Variants in ADK observed in about 807,000 individuals in gnomAD.
The protein encoded by ADK is adenosine kinase.
Under a neutral mutation model 44.7 loss-of-function variants are expected in ADK, and 24 were observed. The observed-to-expected ratio is 0.54, with a 90% CI of 0.39 to 0.76. ADK has a LOEUF of 0.76. ADK is among the 30% of genes least tolerant of loss of function. The probability of loss-of-function intolerance (pLI) is 0.00; values close to 1 mark genes in which losing one functional copy is unlikely to be tolerated. For missense variants in ADK, 321 were observed against 425.1 expected, an observed-to-expected ratio of 0.76 and a Z score of 2.15; for synonymous variants, 128 against 142.6, an observed-to-expected ratio of 0.90 and a Z score of 0.73.
intron 4 of ADK, among the ~76,000 whole-genome samples, chr10:74,322,383 G>C (rs1840844660): frequency 6.6e-6 from 1 of 152,150 alleles, no homozygotes; most frequent in Non-Finnish European, 1.5e-5. Flanking sequence ...GAAGAAAGTA[G>C]TAAGTATTAA....
chr10:74,336,476 A>G lies in ADK; in HGVS notation c.273+21731A>G, dbSNP rs141424682. Among the ~76,000 whole-genome samples the G allele has an allele frequency of 9.9e-4, 151 of 152,084 alleles. 2 individuals are homozygous for G. The East Asian group carries it at 0.028, about 28-fold the overall frequency. The stretch of plus-strand genomic sequence containing the variant: ...TAATCATGGAAGTTGAATTTATTGC[A>G]TTTTACAGGTCAATATTTTTTGTAG... On this transcript the variant is annotated intron_variant, in intron 4 of 10. Coordinates refer to ENST00000539909, the MANE Select transcript of ADK (RefSeq NM_006721.4).
chr10:74,184,595 G>C (rs988932901), intron 1 of ADK, among the ~76,000 whole-genome samples: 4 of 151,166 alleles, frequency 2.6e-5, no homozygotes, highest in Non-Finnish European at 4.4e-5. Context: ...GGCTGGTCTT[G>C]AACCTCCTGG....
rs957878456 is a variant in ADK, at chr10:74,176,745, G to C, written c.66-24019G>C. On this transcript the variant is annotated intron_variant, in intron 1 of 10. Coordinates refer to ENST00000539909, the MANE Select transcript of ADK (RefSeq NM_006721.4). ...GCCAGGGGCCGCCCGCGCGCGGGGT[G>C]TGTGAGGACGCGCTCCCAGTCGCTG... 22 of 1,535,326 alleles carry C rather than the reference G, an allele frequency of 1.4e-5. No individual in the cohort carries two copies. The African/African-American group carries it at 2.8e-4, about 20-fold the overall frequency.
intron 2 of ADK, 33 bp from the exon 3 acceptor site, chr10:74,224,505 A>G (rs760137160): frequency 2.5e-6 from 4 of 1,582,244 alleles, no homozygotes; most frequent in African/African-American, 2.7e-5. Context: ...CTGTGTGTGT[A>G]TGAAGAGTGT....
intron 3 of ADK, among the ~76,000 whole-genome samples, chr10:74,282,533 T>C (rs1172202446): frequency 6.6e-6 from 1 of 152,024 alleles, no homozygotes; most frequent in Non-Finnish European, 1.5e-5. Flanking sequence ...CTTTTAAGAG[T>C]GGTAAGATTT....
At chr10:74,336,805 A>G (rs1046228632) in intron 4 of ADK, among the ~76,000 whole-genome samples, 5 of 152,188 alleles carry the variant, frequency 3.3e-5, no homozygotes, top group Non-Finnish European at 7.4e-5. Flanking sequence ...CAGATTGCTT[A>G]TAATACCTAA....
At chr10:74,510,820 G>A (rs1042661157) in intron 6 of ADK, among the ~76,000 whole-genome samples, 12 of 152,086 alleles carry the variant, frequency 7.9e-5, no homozygotes, top group South Asian at 2.1e-4. Flanking sequence ...CAGTTCTCCC[G>A]CCTCAGCCAG....
chr10:74,514,677 T>C (rs1848490390), intron 6 of ADK, among the ~76,000 whole-genome samples: 3 of 152,228 alleles, frequency 2.0e-5, no homozygotes, highest in Admixed American at 2.0e-4. Context: ...TGTTGAGTTA[T>C]CTATCGGTAT....
chr10:74,278,390 C>T (rs930644828), intron 3 of ADK, among the ~76,000 whole-genome samples: 21 of 146,846 alleles, frequency 1.4e-4, no homozygotes, highest in Non-Finnish European at 1.2e-4. Flanking sequence ...AAAAAAACAA[C>T]CCTAAAACAA....
chr10:74,672,395 C>T (rs532231861), intron 10 of ADK, among the ~76,000 whole-genome samples: 2 of 152,254 alleles, frequency 1.3e-5, no homozygotes, highest in African/African-American at 4.8e-5. Context: ...CTATAGTTTG[C>T]CAAACCCTCT....
chr10:74,398,624 T>C (rs767543343), intron 6 of ADK, 45 bp downstream of exon 6: 10 of 1,088,332 alleles, frequency 9.2e-6, no homozygotes, highest in Non-Finnish European at 1.4e-5. Flanking sequence ...ATTTACATGA[T>C]GGATTATAGT....
intron 7 of ADK, among the ~76,000 whole-genome samples, chr10:74,541,872 G>C (rs1186833253): frequency 5.9e-5 from 8 of 136,748 alleles, no homozygotes; most frequent in African/African-American, 8.3e-5. Context: ...TAAGATTTTA[G>C]TGTGTTTCGT....
intron 2 of ADK, among the ~76,000 whole-genome samples, chr10:74,203,995 T>G (rs1843499815): frequency 6.7e-6 from 1 of 148,860 alleles, no homozygotes; most frequent in African/African-American, 2.5e-5. Flanking sequence ...CTTGCTCTGT[T>G]GTCCAGGCTG....
rs1158135716 is a variant in ADK, at chr10:74,626,793, AG to A, written c.877+26302del. On this transcript the variant is annotated intron_variant, in intron 9 of 10. Coordinates refer to ENST00000539909, the MANE Select transcript of ADK (RefSeq NM_006721.4). ...ATATCTAGAGGGTATCTAGGGCTTA[AG>A]GAAGATTGGATGTGGAACAATGAGT... 3.9e-5 allele frequency among the ~76,000 whole-genome samples: 6 copies of A among 152,284 alleles called. No individual in the cohort carries two copies. The East Asian group carries it at 1.2e-3, about 29-fold the overall frequency.
chr10:74,651,489 T>G (rs940840874), intron 9 of ADK, among the ~76,000 whole-genome samples: 6 of 152,180 alleles, frequency 3.9e-5, no homozygotes, highest in Admixed American at 2.6e-4. Context: ...TGCAGCTACA[T>G]TTTTGAACTG....
chr10:74,705,995 A>G (rs902980298), intron 10 of ADK, among the ~76,000 whole-genome samples: 4 of 152,200 alleles, frequency 2.6e-5, no homozygotes, highest in Admixed American at 6.5e-5. Flanking sequence ...TGAGGTACCA[A>G]GTATTTAATT....
At chr10:74,530,376 C>T (rs1029480787) in intron 7 of ADK, 1 of 151,938 alleles carries the variant, frequency 6.6e-6, no homozygotes, top group African/African-American at 2.4e-5. Flanking sequence ...TTTAAAATGT[C>T]AAAACTCAGC....
At chr10:74,336,701 G>A (rs1165683088) in intron 4 of ADK, among the ~76,000 whole-genome samples, 1 of 152,168 alleles carries the variant, frequency 6.6e-6, no homozygotes, top group African/African-American at 2.4e-5. Context: ...AGGACCCTCT[G>A]TGGATACCAA....
At chr10:74,663,646 CTAAT>C (rs958579633) in intron 9 of ADK, among the ~76,000 whole-genome samples, 32 of 152,224 alleles carry the variant, frequency 2.1e-4, no homozygotes, top group African/African-American at 7.0e-4. Flanking sequence ...ATAAACTAAA[CTAAT>C]TAAAGCAGGG....
Sources: gnomAD v4.1 joint callset for allele counts (sites outside exome capture counted in the v4.1 genomes callset) on GRCh38, gnomAD v4.1.1 for gene constraint, MANE v1.5 for transcripts, NCBI Gene and HGNC (gene_info 2026-07-23, HGNC 2026-07-21) for gene names.